The following GRIA1 variants were observed in gnomAD, a reference collection of about 807,000 sequenced individuals.
GRIA1 encodes the protein glutamate ionotropic receptor AMPA type subunit 1.
In GRIA1, 31 loss-of-function variants were observed where a neutral mutation model predicts 99.2. The ratio of observed to expected loss-of-function variants is 0.31; its 90% CI spans 0.23 to 0.42. The LOEUF is 0.42. GRIA1 is among the 10% of genes least tolerant of loss of function. GRIA1 has a pLI of 1.00. For missense variants in GRIA1, 782 were observed against 1,157.5 expected, an observed-to-expected ratio of 0.68 and a Z score of 4.71; for synonymous variants, 438 against 432.4, an observed-to-expected ratio of 1.01 and a Z score of -0.16.
rs181581135 is a variant in GRIA1, at chr5:153,561,569, T to G, written c.220+67504T>G. Among the ~76,000 whole-genome samples, 625 of 152,264 alleles carry G rather than the reference T, an allele frequency of 4.1e-3. 5 individuals carry two copies. The highest frequency in any genetic ancestry group is 0.015 in the African/African-American group (603 of 41,546). On this transcript the variant is annotated intron_variant, in intron 2 of 15. Coordinates refer to ENST00000285900, the MANE Select transcript of GRIA1 (RefSeq NM_000827.4). Reference sequence around the variant, plus strand: ...CTAGTTACTATATGGGAACTCAAGTTTATTACTTAACTGTATTAAGCTTCC... The same window carrying G: ...CTAGTTACTATATGGGAACTCAAGTGTATTACTTAACTGTATTAAGCTTCC...
chr5:153,740,736 T>C (rs1388638223), intron 11 of GRIA1, among the ~76,000 whole-genome samples: 2 of 152,178 alleles, frequency 1.3e-5, no homozygotes, highest in Non-Finnish European at 2.9e-5. Flanking sequence ...GTATTTCATC[T>C]GGCCAGTGAA....
chr5:153,809,192 A>G (rs1766642617), intron 15 of GRIA1, among the ~76,000 whole-genome samples: 1 of 152,240 alleles, frequency 6.6e-6, no homozygotes, highest in African/African-American at 2.4e-5. Context: ...TTTTCTCTTC[A>G]ACATTTTTAG....
rs573706377 is a variant in GRIA1, at chr5:153,804,712, T to A, written c.2520+2222T>A. 2.2e-4 allele frequency among the ~76,000 whole-genome samples: 23 copies of A among 103,778 alleles called. No homozygotes were observed. In the South Asian group the frequency reaches 4.4e-3, roughly 20 times the overall value. The allele number at this position is 103,778 out of a possible 152,430, so 68.1% of individuals were successfully genotyped here. A position where few individuals can be genotyped will look rare whatever the true frequency, so the allele number is the denominator to read the frequency against. ...TAGGTTTTAGTAACTCTCTGATCCTTATTAATTAATTAATTAATTAATTTA... is the reference window on the plus strand; with the variant it reads ...TAGGTTTTAGTAACTCTCTGATCCTAATTAATTAATTAATTAATTAATTTA... On this transcript the variant is annotated intron_variant, in intron 15 of 15. Transcript: ENST00000285900.
intron 5 of GRIA1, among the ~76,000 whole-genome samples, chr5:153,664,512 A>G (rs1581427916): frequency 6.8e-6 from 1 of 146,220 alleles, no homozygotes; most frequent in Non-Finnish European, 1.5e-5. Context: ...AACCAAAGGC[A>G]CTTTTTTTTT....
chr5:153,760,418 C>T (rs1350775309), intron 11 of GRIA1, among the ~76,000 whole-genome samples: 1 of 151,838 alleles, frequency 6.6e-6, no homozygotes, highest in Non-Finnish European at 1.5e-5. Flanking sequence ...ATCAAGAAAG[C>T]AATTCCATTT....
chr5:153,805,265 A>T (rs567465224), intron 15 of GRIA1, among the ~76,000 whole-genome samples: 1 of 152,294 alleles, frequency 6.6e-6, no homozygotes, highest in East Asian at 1.9e-4. Flanking sequence ...CTTTCCTTTT[A>T]TTATCCCTAT....
intron 8 of GRIA1, among the ~76,000 whole-genome samples, chr5:153,688,721 C>CTTTTTTT (rs921251469): frequency 1.3e-5 from 2 of 151,168 alleles, no homozygotes; most frequent in Non-Finnish European, 2.9e-5. Flanking sequence ...CTTTCAGATT[C>CTTTTTTT]TTTTTTTGTT....
intron 2 of GRIA1, among the ~76,000 whole-genome samples, chr5:153,600,438 G>T (rs1387162577): frequency 6.9e-6 from 1 of 143,914 alleles, no homozygotes; most frequent in East Asian, 2.1e-4. Context: ...GTAAGGATAG[G>T]TTTCAATCAG....
intron 11 of GRIA1, among the ~76,000 whole-genome samples, chr5:153,746,041 C>T (rs375364433): frequency 7.2e-5 from 11 of 152,266 alleles, no homozygotes; most frequent in Non-Finnish European, 1.5e-4. Context: ...TAGGTGAAAC[C>T]GAGGCTCAGA....
At chr5:153,599,280 T>C (rs66731359) in intron 2 of GRIA1, among the ~76,000 whole-genome samples, 12,109 of 152,292 alleles carry the variant, frequency 0.08, 597 homozygotes, top group African/African-American at 0.13. Flanking sequence ...TAGATTATTT[T>C]GTCCAGAAAG....
At chr5:153,538,201 G>A (rs925421004) in intron 2 of GRIA1, among the ~76,000 whole-genome samples, 2 of 152,190 alleles carry the variant, frequency 1.3e-5, no homozygotes, top group Non-Finnish European at 2.9e-5. Context: ...ATTTAGAAAT[G>A]ATGGGAAGTA....
At chr5:153,675,267 T>G (rs1300587698) in intron 6 of GRIA1, among the ~76,000 whole-genome samples, 1 of 152,194 alleles carries the variant, frequency 6.6e-6, no homozygotes, top group Non-Finnish European at 1.5e-5. Context: ...AGCTTCTTTG[T>G]GTAGTGAGGT....
At chr5:153,551,542 C>G (rs1760143078) in intron 2 of GRIA1, among the ~76,000 whole-genome samples, 1 of 152,132 alleles carries the variant, frequency 6.6e-6, no homozygotes. Flanking sequence ...TGGAAGAGAA[C>G]AGATAGCTCT....
At chr5:153,511,239 G>A (rs1033063063) in intron 2 of GRIA1, among the ~76,000 whole-genome samples, 6 of 152,134 alleles carry the variant, frequency 3.9e-5, no homozygotes, top group Admixed American at 6.5e-5. Context: ...CCAAAGCAGT[G>A]CCTCCCCAAA....
rs190045838 is a variant in GRIA1, at chr5:153,496,661, G to A, written c.220+2596G>A. ...TGTGTTCACTGTGGTCCATTGGTTTGGGAAAACTTTACATCTGTCCCAATT... is the reference window on the plus strand; with the variant it reads ...TGTGTTCACTGTGGTCCATTGGTTTAGGAAAACTTTACATCTGTCCCAATT... On this transcript the variant is annotated intron_variant, in intron 2 of 15. Transcript: ENST00000285900. Among the ~76,000 whole-genome samples the A allele has an allele frequency of 2.8e-3, 427 of 152,278 alleles. 2 individuals carry two copies. The highest frequency in any genetic ancestry group is 3.8e-3 in the Non-Finnish European group (261 of 68,030).
intron 2 of GRIA1, among the ~76,000 whole-genome samples, chr5:153,535,084 G>A (rs1341649880): frequency 6.6e-6 from 1 of 152,038 alleles, no homozygotes; most frequent in East Asian, 1.9e-4. Flanking sequence ...ACCATGCCTG[G>A]CAAAGTTCTG....
intron 15 of GRIA1, among the ~76,000 whole-genome samples, chr5:153,809,974 C>A (rs1467645795): frequency 6.6e-6 from 1 of 152,018 alleles, no homozygotes; most frequent in Non-Finnish European, 1.5e-5. Flanking sequence ...CTCAAAAATT[C>A]TGTGATTGTT....
intron 2 of GRIA1, among the ~76,000 whole-genome samples, chr5:153,516,379 T>A (rs569494847): frequency 1.3e-5 from 2 of 151,842 alleles, no homozygotes; most frequent in East Asian, 3.9e-4. Context: ...CCCCATTTGC[T>A]CTATGTGCTA....
intron 12 of GRIA1, among the ~76,000 whole-genome samples, chr5:153,766,133 G>C (rs1763504742): frequency 6.6e-6 from 1 of 152,180 alleles, no homozygotes; most frequent in Admixed American, 6.5e-5. Flanking sequence ...AAGCATCATT[G>C]ATCCTAACTC....
Sources: allele counts gnomAD v4.1 joint callset (sites outside exome capture counted in the v4.1 genomes callset), GRCh38; gene constraint gnomAD v4.1.1; transcripts MANE v1.5; gene names NCBI Gene and HGNC (gene_info 2026-07-23, HGNC 2026-07-21).